Variants in RYR2 observed in about 807,000 individuals in gnomAD.
RYR2 encodes the protein ryanodine receptor 2.
A neutral mutation model predicts 601.1 loss-of-function variants in RYR2; 227 were observed. The observed-to-expected ratio is 0.38, with a 90% confidence interval of 0.34 to 0.42. RYR2 has a LOEUF of 0.42. Among genes scored for constraint, RYR2 ranks in the 10% least tolerant of loss-of-function variants. RYR2 has a pLI of 1.00. For missense variants in RYR2, 4,646 were observed against 6,156.5 expected (o/e 0.75, Z 8.21); for synonymous variants, 2,223 against 2,175.1 (o/e 1.02, Z -0.61).
intron 66 of RYR2, 128 bp downstream of exon 66, chr1:237,702,187 C>A: frequency 1.7e-6 from 1 of 591,118 alleles, no homozygotes; most frequent in South Asian, 2.1e-5. Flanking sequence ...CTTTGAAATT[C>A]CTTGGAAGTA....
chr1:237,120,685 TG>T, intron 1 of RYR2: 1 of 152,368 alleles, frequency 6.6e-6, no homozygotes, highest in East Asian at 1.9e-4. Flanking sequence ...GAGGCTGAAA[TG>T]TGCTTTGTGG....
chr1:237,604,201 A>C (rs1676841011), intron 35 of RYR2, among the ~76,000 whole-genome samples: 1 of 152,204 alleles, frequency 6.6e-6, no homozygotes, highest in African/African-American at 2.4e-5. Context: ...ATGTAAAAGA[A>C]CAGAAATTAT....
chr1:237,224,015 A>G (rs1684098368), intron 1 of RYR2, among the ~76,000 whole-genome samples: 1 of 152,256 alleles, frequency 6.6e-6, no homozygotes, highest in South Asian at 2.1e-4. Context: ...AATGGAATCT[A>G]ACTCATCATG....
intron 74 of RYR2, among the ~76,000 whole-genome samples, chr1:237,723,674 C>CT (rs546871016): frequency 6.6e-6 from 1 of 152,082 alleles, no homozygotes; most frequent in Non-Finnish European, 1.5e-5. Context: ...GAAACATTTT[C>CT]TTTTTTGCCA....
intron 1 of RYR2, among the ~76,000 whole-genome samples, chr1:237,269,692 T>C (rs1312539285): frequency 6.6e-6 from 1 of 152,210 alleles, no homozygotes. Context: ...TCGGATTTAC[T>C]TCGTCATTTT....
chr1:237,221,488 T>C (rs1377857526), intron 1 of RYR2, among the ~76,000 whole-genome samples: 2 of 152,186 alleles, frequency 1.3e-5, no homozygotes, highest in East Asian at 3.8e-4. Flanking sequence ...TTTATAGATA[T>C]GAAGATTATT....
chr1:237,485,668 C>T (rs1662601770), intron 17 of RYR2, among the ~76,000 whole-genome samples: 1 of 152,168 alleles, frequency 6.6e-6, no homozygotes, highest in African/African-American at 2.4e-5. Context: ...CCTTGCCTGT[C>T]TGGTTCACTG....
chr1:237,480,181 G>A (rs1661878646), intron 17 of RYR2, among the ~76,000 whole-genome samples: 1 of 152,086 alleles, frequency 6.6e-6, no homozygotes, highest in Non-Finnish European at 1.5e-5. Flanking sequence ...CACTTTGGGA[G>A]GCTGAGGTGG....
intron 100 of RYR2, among the ~76,000 whole-genome samples, chr1:237,809,941 T>G (rs1661079832): frequency 6.6e-6 from 1 of 152,070 alleles, no homozygotes; most frequent in South Asian, 2.1e-4. Flanking sequence ...ATAAATGACA[T>G]TAGTACCATG....
intron 4 of RYR2, among the ~76,000 whole-genome samples, chr1:237,356,561 G>A (rs1011398428): frequency 3.9e-5 from 6 of 151,980 alleles, no homozygotes; most frequent in Non-Finnish European, 5.9e-5. Context: ...ACTATGCCCA[G>A]CCTTATATAA....
rs543305320 is a variant in RYR2, at chr1:237,824,262, G to A, written c.14591-4119G>A. Among the ~76,000 whole-genome samples the A allele has an allele frequency of 9.2e-5, 14 of 152,194 alleles. No homozygotes were observed. In the South Asian group the frequency reaches 1.0e-3, roughly 11 times the overall value. ...CAGGCCAATATCCCTGATGAACATC[G>A]ATGCGAAAATCCTCAATAAATTACT... On this transcript the variant is annotated intron_variant, in intron 101 of 104. Transcript: ENST00000366574.
intron 2 of RYR2, among the ~76,000 whole-genome samples, chr1:237,289,801 G>A (rs947049656): frequency 3.9e-5 from 6 of 152,230 alleles, no homozygotes; most frequent in East Asian, 3.9e-4. Flanking sequence ...CATTAAAATC[G>A]ATAAATAATT....
chr1:237,164,607 G>A (rs1676438592), intron 1 of RYR2, among the ~76,000 whole-genome samples: 1 of 152,196 alleles, frequency 6.6e-6, no homozygotes, highest in Non-Finnish European at 1.5e-5. Flanking sequence ...CCGTGGCAGG[G>A]ACTGGCTGAT....
rs1349176732 is a variant in RYR2 at position 237,445,485 on chromosome 1, A to T, written c.1255A>T (p.Ile419Phe). 6.2e-7 allele frequency: 1 copy of T among 1,613,738 alleles called. No individual in the cohort carries two copies. Among genetic ancestry groups the T allele is most frequent in the Non-Finnish European group, 8.5e-7 (1 of 1,179,708 alleles). ...TGAAGAATCACGCACAGCCCGAGTT[A>T]TCCGGAGCACAGTCTTCCTTTTCAA... is the stretch of plus-strand genomic sequence containing the variant. Reference protein sequence around the residue: ...QHEESRTARVIRSTVFLFNRF... With the variant: ...QHEESRTARVFRSTVFLFNRF... The change falls in exon 14 of 105, where the codon ATC becomes TTC. Residue 419 changes from isoleucine (I) to phenylalanine (F), a missense_variant. Around this residue, in one of 17 missense-constraint regions of RYR2, gnomAD observed 1,807 missense variants for 2,088.1 expected, o/e 0.87. Transcript: ENST00000366574.
chr1:237,452,856 A>G (rs1156317230), intron 14 of RYR2, among the ~76,000 whole-genome samples: 1 of 151,820 alleles, frequency 6.6e-6, no homozygotes, highest in Non-Finnish European at 1.5e-5. Context: ...CCTGAAACAT[A>G]ACATAATTAA....
At chr1:237,789,832 C>T (rs1046007053) in intron 92 of RYR2, among the ~76,000 whole-genome samples, 2 of 152,206 alleles carry the variant, frequency 1.3e-5, no homozygotes, top group Admixed American at 6.5e-5. Flanking sequence ...CTAACAAAGG[C>T]CCCTTTTCCC....
chr1:237,213,422 C>T (rs913940184), intron 1 of RYR2, among the ~76,000 whole-genome samples: 8 of 152,098 alleles, frequency 5.3e-5, no homozygotes, highest in Non-Finnish European at 8.8e-5. Flanking sequence ...AAGTGATCGT[C>T]CTACTTTGGC....
chr1:237,603,122 C>A (rs1388679577), intron 35 of RYR2, among the ~76,000 whole-genome samples: 1 of 152,166 alleles, frequency 6.6e-6, no homozygotes, highest in Non-Finnish European at 1.5e-5. Flanking sequence ...CTATGACTCT[C>A]TTAAGGTAGC....
intron 84 of RYR2, among the ~76,000 whole-genome samples, chr1:237,764,772 C>A (rs1346845712): frequency 6.6e-6 from 1 of 152,006 alleles, no homozygotes; most frequent in Non-Finnish European, 1.5e-5. Context: ...GTTCTTTGTC[C>A]CTTTCCGGGA....
Sources: gnomAD v4.1 joint callset for allele counts (sites outside exome capture counted in the v4.1 genomes callset) on GRCh38, gnomAD v4.1.1 for gene constraint, gnomAD v4.1.1 regional missense constraint, MANE v1.5 for transcripts, NCBI Gene and HGNC (gene_info 2026-07-23, HGNC 2026-07-21) for gene names.